Variants in RIN2 observed in about 807,000 individuals in gnomAD.
The protein encoded by RIN2 is RAB5 interacting protein 2.
Under a neutral mutation model 78.0 loss-of-function variants are expected in RIN2, and 36 were observed. The observed-to-expected ratio is 0.46, with a 90% CI of 0.35 to 0.61. The LOEUF is 0.61. RIN2 is among the 20% of genes least tolerant of loss of function. The pLI is 0.00. For synonymous variants in RIN2, 466 were observed against 466.8 expected (o/e 1.00, Z 0.02); for missense variants, 1,087 against 1,159.7 (o/e 0.94, Z 0.91).
chr20:19,932,271 C>T (rs535274775), intron 3 of RIN2, among the ~76,000 whole-genome samples: 9 of 152,278 alleles, frequency 5.9e-5, no homozygotes, highest in African/African-American at 1.7e-4. Context: ...TTCTGCCTTC[C>T]GCCACGGGAT....
At chr20:19,852,949 A>T (rs1404679803) in intron 2 of RIN2, among the ~76,000 whole-genome samples, 2 of 151,700 alleles carry the variant, frequency 1.3e-5, no homozygotes, top group Non-Finnish European at 2.9e-5. Flanking sequence ...TTTGTTACAT[A>T]TGTATACATG....
chr20:19,999,812 T>C (rs1314202013), intron 12 of RIN2, among the ~76,000 whole-genome samples: 3 of 152,210 alleles, frequency 2.0e-5, no homozygotes, highest in African/African-American at 7.2e-5. Flanking sequence ...CCACCTTGCA[T>C]GTAATCAGCT....
chr20:19,904,392 A>C (rs2039129540), intron 3 of RIN2, among the ~76,000 whole-genome samples: 1 of 152,046 alleles, frequency 6.6e-6, no homozygotes, highest in South Asian at 2.1e-4. Context: ...AGCCCTGGGC[A>C]CCGGGTATGC....
At position 19,823,721 on chromosome 20, in the gene RIN2, G is replaced by A. The variant is rs112887125; in HGVS notation, c.-37+23974G>A. ...TTGATGATCATGGCAGAGGCAGAAG[G>A]CACCACCTCAATCTGGGCCTGTCTG... On this transcript the variant is annotated intron_variant, in intron 2 of 12. Coordinates refer to ENST00000255006, the MANE Select transcript of RIN2 (RefSeq NM_018993.4). 3 of 1,588,640 alleles carry A rather than the reference G, an allele frequency of 1.9e-6. No individual in the cohort carries two copies. The African/African-American group carries it at 4.0e-5, about 21-fold the overall frequency.
chr20:19,806,771 A>C (rs750474583), intron 2 of RIN2, among the ~76,000 whole-genome samples: 1 of 152,322 alleles, frequency 6.6e-6, no homozygotes, highest in African/African-American at 2.4e-5. Context: ...GGTGGTGTGC[A>C]TCTGTAGTCC....
Position 19,968,439 on chromosome 20 carries a change from G to A in RIN2, c.537-2399G>A, listed in dbSNP as rs544339928. On this transcript the variant is annotated intron_variant, in intron 7 of 12. Coordinates refer to ENST00000255006, the MANE Select transcript of RIN2 (RefSeq NM_018993.4). ...TTTAATAGGATGTAAGTGAGAAGGCGTCCCTGTGTGAGTGTGTGTGCGTGT... is the reference window on the plus strand; with the variant it reads ...TTTAATAGGATGTAAGTGAGAAGGCATCCCTGTGTGAGTGTGTGTGCGTGT... Among the ~76,000 whole-genome samples the A allele has an allele frequency of 4.6e-5, 7 of 152,254 alleles. No homozygotes were observed. The South Asian group carries it at 8.3e-4, about 18-fold the overall frequency.
intron 2 of RIN2, among the ~76,000 whole-genome samples, chr20:19,854,175 A>G (rs1014404173): frequency 7.9e-5 from 12 of 152,166 alleles, no homozygotes; most frequent in African/African-American, 2.9e-4. Flanking sequence ...GGTTTGTCAA[A>G]GATCAGATGG....
intron 2 of RIN2, among the ~76,000 whole-genome samples, chr20:19,833,213 T>A (rs941632445): frequency 6.6e-6 from 1 of 152,012 alleles, no homozygotes; most frequent in African/African-American, 2.4e-5. Context: ...AGTCATCTCC[T>A]GATATGCTGG....
intron 4 of RIN2, among the ~76,000 whole-genome samples, chr20:19,946,606 A>AGGTTGAG (rs1463651049): frequency 6.8e-6 from 1 of 146,296 alleles, no homozygotes; most frequent in Non-Finnish European, 1.5e-5. Flanking sequence ...GCTGCTCGGG[A>AGGTTGAG]GGTTGAGGCA....
At chr20:19,826,014 T>G (rs1460763262) in intron 2 of RIN2, among the ~76,000 whole-genome samples, 1 of 152,250 alleles carries the variant, frequency 6.6e-6, no homozygotes, top group African/African-American at 2.4e-5. Context: ...ATTTTTCAAT[T>G]CTTATGAATT....
chr20:19,989,049 A>G lies in RIN2; in HGVS notation c.1763-957A>G, dbSNP rs79136978. Among the ~76,000 whole-genome samples, 490 of 152,232 alleles carry G rather than the reference A, an allele frequency of 3.2e-3. 2 individuals are homozygous for G. The highest frequency in any genetic ancestry group is 0.011 in the African/African-American group (465 of 41,538). On this transcript the variant is annotated intron_variant, in intron 9 of 12. Coordinates refer to ENST00000255006, the MANE Select transcript of RIN2 (RefSeq NM_018993.4). ...TATCCCTTTACCCCTAAATACTTCA[A>G]TGCATATTTCCTAAAAACAAGGCTA...
intron 4 of RIN2, among the ~76,000 whole-genome samples, chr20:19,956,119 A>G (rs559016283): frequency 8.4e-4 from 127 of 151,970 alleles, no homozygotes; most frequent in Non-Finnish European, 1.5e-3. Flanking sequence ...TTAGCCGGGC[A>G]TTGTGGTGTG....
intron 7 of RIN2, among the ~76,000 whole-genome samples, chr20:19,968,321 T>C (rs1440060372): frequency 6.6e-6 from 1 of 152,236 alleles, no homozygotes; most frequent in Non-Finnish European, 1.5e-5. Flanking sequence ...AAATCTAGAC[T>C]GTACATGTTT....
At chr20:19,990,870 C>T (rs1009136598) in intron 10 of RIN2, among the ~76,000 whole-genome samples, 3 of 152,100 alleles carry the variant, frequency 2.0e-5, no homozygotes, top group Admixed American at 6.5e-5. Flanking sequence ...TCATTAGAGC[C>T]GCTTCATTGG....
At chr20:19,890,897 G>A (rs6046424) in intron 3 of RIN2, among the ~76,000 whole-genome samples, 5 of 152,112 alleles carry the variant, frequency 3.3e-5, no homozygotes, top group Admixed American at 2.6e-4. Flanking sequence ...TTTCAGTGAC[G>A]TCTATGCCAC....
At chr20:19,976,312 C>T (rs1263206527) in intron 9 of RIN2, among the ~76,000 whole-genome samples, 1 of 152,176 alleles carries the variant, frequency 6.6e-6, no homozygotes, top group East Asian at 1.9e-4. Flanking sequence ...TAAGCAGAAC[C>T]TGACCAGCAT....
intron 2 of RIN2, among the ~76,000 whole-genome samples, chr20:19,844,602 T>TGCTGCTG (rs1286885464): frequency 2.1e-3 from 33 of 15,500 alleles, no homozygotes; most frequent in African/African-American, 6.8e-3. Context: ...TGCTTCTTCC[T>TGCTGCTG]CTTCTTCTTC....
chr20:19,867,384 T>C (rs1396154431), intron 2 of RIN2, among the ~76,000 whole-genome samples: 1 of 152,256 alleles, frequency 6.6e-6, no homozygotes, highest in African/African-American at 2.4e-5. Flanking sequence ...CTGTTGCCCA[T>C]ATTTCAGTTT....
intron 7 of RIN2, among the ~76,000 whole-genome samples, chr20:19,968,135 T>C (rs2041994930): frequency 6.6e-6 from 1 of 152,172 alleles, no homozygotes; most frequent in Non-Finnish European, 1.5e-5. Context: ...GGGACCTCAC[T>C]TGTCTGTGTC....
Sources: gnomAD v4.1 joint callset for allele counts (sites outside exome capture counted in the v4.1 genomes callset) on GRCh38, gnomAD v4.1.1 for gene constraint, MANE v1.5 for transcripts, NCBI Gene and HGNC (gene_info 2026-07-23, HGNC 2026-07-21) for gene names.